PLEKHG4B: variants seen among roughly 807,000 people sequenced by gnomAD.
The protein encoded by PLEKHG4B is pleckstrin homology domain-containing family G member 4B.
PLEKHG4B carries 111 observed loss-of-function variants against 121.3 expected under a neutral mutation model. The ratio of observed to expected loss-of-function variants is 0.92; its 90% CI spans 0.78 to 1.07. The LOEUF is 1.07. Ranked by LOEUF, PLEKHG4B falls within the 50% of genes least tolerant of loss-of-function variation. The pLI, the probability that PLEKHG4B is intolerant of heterozygous loss-of-function variation, is 0.00. For synonymous variants in PLEKHG4B, 738 were observed against 725.0 expected, an observed-to-expected ratio of 1.02 and a Z score of -0.29; for missense variants, 1,831 against 1,757.8, an observed-to-expected ratio of 1.04 and a Z score of -0.74.
chr5:130,694 C>A (rs931454605), intron 2 of PLEKHG4B, among the ~76,000 whole-genome samples: 3 of 152,202 alleles, frequency 2.0e-5, no homozygotes, highest in Non-Finnish European at 4.4e-5. Flanking sequence ...AATAAGAAAA[C>A]TCTGGTTCTG....
At chr5:167,827 C>T (rs1736403056) in intron 13 of PLEKHG4B, among the ~76,000 whole-genome samples, 1 of 152,242 alleles carries the variant, frequency 6.6e-6, no homozygotes, top group East Asian at 1.9e-4. Flanking sequence ...TGAAACAGAG[C>T]CACCAGCCTA....
chr5:185,287 G>C lies in PLEKHG4B; in HGVS notation c.*2964G>C, dbSNP rs1465022743. The C allele has an allele frequency of 1.3e-5, 2 of 152,240 alleles. No homozygotes were observed. The highest frequency in any genetic ancestry group is 1.3e-4 in the Admixed American group (2 of 15,286). 9.4% of individuals were successfully genotyped at this position (152,240 alleles called of 1,614,324 possible). The stretch of plus-strand genomic sequence containing the variant: ...ACAGACAGGCCTGCTCTCTGAATTG[G>C]TGACCACATGAGTAACTTCACGGGT... On this transcript the variant is annotated 3_prime_UTR_variant, in exon 20 of 20. Coordinates refer to ENST00000637938, the MANE Select transcript of PLEKHG4B (RefSeq NM_052909.5).
intron 13 of PLEKHG4B, among the ~76,000 whole-genome samples, chr5:164,990 GCT>G (rs1736251442): frequency 5.6e-5 from 3 of 53,882 alleles, no homozygotes; most frequent in Non-Finnish European, 8.3e-5. Context: ...TCACACTAAT[GCT>G]CTGACGGGGC....
intron 6 of PLEKHG4B, among the ~76,000 whole-genome samples, chr5:145,925 G>C (rs1735393560): frequency 6.6e-6 from 1 of 152,024 alleles, no homozygotes; most frequent in Non-Finnish European, 1.5e-5. Context: ...TACTCACTGA[G>C]GAATCTCAAG....
chr5:138,586 T>C (rs1384455027), intron 2 of PLEKHG4B, among the ~76,000 whole-genome samples: 1 of 152,246 alleles, frequency 6.6e-6, no homozygotes, highest in African/African-American at 2.4e-5. Context: ...GTGACTTCCA[T>C]CTGAGTCCCT....
At position 159,745 on chromosome 5, in the gene PLEKHG4B, A is replaced by T. The variant is rs1391959181; in HGVS notation, c.2488-2038A>T. 6.6e-6 allele frequency among the ~76,000 whole-genome samples: 1 copy of T among 152,062 alleles called. No individual in the cohort carries two copies. Among genetic ancestry groups the T allele is most frequent in the Non-Finnish European group, 1.5e-5 (1 of 68,014 alleles). ...TTTCCTCTAATCCCGGCCTGAAAGG[A>T]GAGCCTGGCCGTAGCTCAGTGTTCA... On this transcript the variant is annotated intron_variant, in intron 11 of 19. Coordinates refer to ENST00000637938, the MANE Select transcript of PLEKHG4B (RefSeq NM_052909.5). This position sits in a 1 kb window ranked among gnomAD's most constrained non-coding sequence, Gnocchi z 5.5.
Position 140,325 on chromosome 5 carries a change from C to A in PLEKHG4B, c.1086C>A (p.Asn362Lys). The change falls in exon 3 of 20, where the codon AAC becomes AAA. Residue 362 changes from asparagine (N) to lysine (K), a missense_variant. Physicochemically the swap from Asn to Lys is moderately conservative, Grantham distance 94 (BLOSUM62 0). Transcript: ENST00000637938. ...FRESYMEALR[N>K]PMPLGSSEEA... ...AGTCGTACATGGAAGCCTTGCGGAA[C>A]CCCATGCCCCTGGGCAGCTCTGAGG... 6.6e-7 allele frequency: 1 copy of A among 1,520,422 alleles called. No homozygotes were observed. Among genetic ancestry groups the A allele is most frequent in the Non-Finnish European group, 8.8e-7 (1 of 1,135,892 alleles). The allele number at this position is 1,520,422 out of a possible 1,614,324, so 94.2% of individuals were successfully genotyped here.
At chr5:116,887 A>T (rs1020433834) in intron 2 of PLEKHG4B, among the ~76,000 whole-genome samples, 1 of 152,202 alleles carries the variant, frequency 6.6e-6, no homozygotes, top group Non-Finnish European at 1.5e-5. Context: ...CTTTGTGAGG[A>T]TGTACCTTTT....
chr5:168,520 T>A, intron 13 of PLEKHG4B, among the ~76,000 whole-genome samples: 1 of 152,140 alleles, frequency 6.6e-6, no homozygotes, highest in South Asian at 2.1e-4. Context: ...TCTCACGAAA[T>A]TTCCACCACA....
chr5:116,192 G>A (rs1734302359), intron 2 of PLEKHG4B, among the ~76,000 whole-genome samples: 1 of 152,160 alleles, frequency 6.6e-6, no homozygotes, highest in African/African-American at 2.4e-5. Flanking sequence ...GGAATAGGGA[G>A]GCCCAAGGAA....
chr5:143,293 T>C, intron 4 of PLEKHG4B, 37 bp downstream of exon 4: 1 of 1,608,542 alleles, frequency 6.2e-7, no homozygotes, highest in Non-Finnish European at 8.5e-7. Flanking sequence ...TCAGGGCGGA[T>C]CTGACATCTA....
chr5:144,007 A>C (rs1735320128), intron 5 of PLEKHG4B: 1 of 159,850 alleles, frequency 6.3e-6, no homozygotes, highest in Admixed American at 5.9e-5. Context: ...ACAGTGGTGC[A>C]ATCACAGCTC....
At chr5:142,753 G>A (rs1735260829) in intron 3 of PLEKHG4B, among the ~76,000 whole-genome samples, 1 of 152,364 alleles carries the variant, frequency 6.6e-6, no homozygotes, top group Non-Finnish European at 1.5e-5. Flanking sequence ...TGCACTTTGA[G>A]CAGATGAGTA....
At chr5:155,142 C>T (rs955823185) in intron 8 of PLEKHG4B, 151 bp downstream of exon 8, 21 of 857,700 alleles carry the variant, frequency 2.4e-5, no homozygotes, top group Middle Eastern at 2.5e-4. Flanking sequence ...TACACAACCA[C>T]GCCGTGGTGC....
intron 1 of PLEKHG4B, among the ~76,000 whole-genome samples, chr5:109,580 G>T (rs1398483704): frequency 6.6e-6 from 1 of 152,182 alleles, no homozygotes; most frequent in Non-Finnish European, 1.5e-5. Flanking sequence ...GCTGGGCTGG[G>T]CTGTGTCCCC....
chr5:130,061 A>AAGAGAGAGGG, intron 2 of PLEKHG4B, among the ~76,000 whole-genome samples: 1 of 150,468 alleles, frequency 6.6e-6, no homozygotes, highest in Middle Eastern at 3.4e-3. Context: ...AGTGAATATG[A>AAGAGAGAGGG]AGAGAGAGTG....
chr5:120,839 T>C (rs1734444356), intron 2 of PLEKHG4B, among the ~76,000 whole-genome samples: 1 of 152,240 alleles, frequency 6.6e-6, no homozygotes, highest in Non-Finnish European at 1.5e-5. Context: ...GTGTTGGAAT[T>C]ATCAGACAGA....
intron 14 of PLEKHG4B, among the ~76,000 whole-genome samples, chr5:170,027 A>G (rs904713713): frequency 8.5e-5 from 13 of 152,224 alleles, no homozygotes; most frequent in Non-Finnish European, 1.5e-4. Flanking sequence ...CGTTCTGAGA[A>G]TTCCCTGTGA....
chr5:96,704 A>G (rs1383006867), intron 1 of PLEKHG4B, among the ~76,000 whole-genome samples: 2 of 152,202 alleles, frequency 1.3e-5, no homozygotes, highest in East Asian at 3.8e-4. Context: ...GCAGCAACCC[A>G]GAGAATCACA....
Sources: gnomAD v4.1 joint callset for allele counts (sites outside exome capture counted in the v4.1 genomes callset) on GRCh38, gnomAD v4.1.1 for gene constraint, Gnocchi (gnomAD v3.1) non-coding constraint, MANE v1.5 for transcripts, NCBI Gene and HGNC (gene_info 2026-07-23, HGNC 2026-07-21) for gene names.